Variants in RAPGEF5 observed in about 807,000 individuals in gnomAD.
RAPGEF5 encodes the protein Rap guanine nucleotide exchange factor 5, also known as M-Ras-regulated GEF.
In RAPGEF5, 65 loss-of-function variants were observed where a neutral mutation model predicts 125.2. The ratio of observed to expected loss-of-function variants is 0.52; its 90% CI spans 0.43 to 0.64. The LOEUF (loss-of-function observed/expected upper bound fraction) is 0.64. Among genes scored for constraint, RAPGEF5 ranks in the 30% least tolerant of loss-of-function variants. The probability of loss-of-function intolerance (pLI) is 0.00; values close to 1 mark genes in which losing one functional copy is unlikely to be tolerated. For missense variants in RAPGEF5, 958 were observed against 1,048.1 expected, an observed-to-expected ratio of 0.91 and a Z score of 1.19; for synonymous variants, 391 against 385.9, an observed-to-expected ratio of 1.01 and a Z score of -0.16.
At chr7:22,315,163 A>G (rs1346973532) in intron 3 of RAPGEF5, among the ~76,000 whole-genome samples, 3 of 152,146 alleles carry the variant, frequency 2.0e-5, no homozygotes, top group Non-Finnish European at 4.4e-5. Context: ...GAAATTCCAT[A>G]CCCTAACTTC....
At chr7:22,201,649 C>G (rs898115041) in intron 9 of RAPGEF5, among the ~76,000 whole-genome samples, 4 of 152,194 alleles carry the variant, frequency 2.6e-5, no homozygotes, top group African/African-American at 9.7e-5. Flanking sequence ...TGTCTAGTGC[C>G]TATATCAGTT....
chr7:22,220,077 C>T (rs1395325158), intron 8 of RAPGEF5, 86 bp from the exon 9 acceptor site: 2 of 1,475,100 alleles, frequency 1.4e-6, no homozygotes. Flanking sequence ...TTATAATAAG[C>T]TCATCTTTTC....
At chr7:22,173,161 A>C (rs1784400377) in intron 11 of RAPGEF5, among the ~76,000 whole-genome samples, 1 of 152,218 alleles carries the variant, frequency 6.6e-6, no homozygotes, top group African/African-American at 2.4e-5. Context: ...GGAATGTTAC[A>C]ACTTGCCATT....
intron 16 of RAPGEF5, 62 bp downstream of exon 16, chr7:22,156,748 T>C (rs1038570442): frequency 1.2e-6 from 2 of 1,608,050 alleles, no homozygotes; most frequent in South Asian, 1.1e-5. Flanking sequence ...TATGCCAATG[T>C]AGGAGAAAAA....
intron 1 of RAPGEF5, among the ~76,000 whole-genome samples, chr7:22,324,863 A>C (rs1198685085): frequency 2.0e-5 from 3 of 152,156 alleles, no homozygotes; most frequent in Non-Finnish European, 2.9e-5. Context: ...TATATTTGTA[A>C]GTTTACTCTC....
At chr7:22,335,691 C>CAAAAAAAAAAAAAAA (rs71653120) in intron 1 of RAPGEF5, among the ~76,000 whole-genome samples, 1 of 102,712 alleles carries the variant, frequency 9.7e-6, no homozygotes, top group African/African-American at 3.6e-5. Context: ...AAGAAACAAG[C>CAAAAAAAAAAAAAAA]AAAAAAAAAA....
intron 6 of RAPGEF5, among the ~76,000 whole-genome samples, chr7:22,276,069 T>C (rs10229080): frequency 0.21 from 31,257 of 152,166 alleles, 3,694 homozygotes; most frequent in East Asian, 0.5. Flanking sequence ...TACCTGAATT[T>C]CCTGATAAAT....
At position 22,165,330 on chromosome 7, in the gene RAPGEF5, G is replaced by C. The variant is rs1159825711; in HGVS notation, c.1283+1740C>G. ...TCATAGTTAAAGAATGTAGTTTAAA[G>C]GCATCTCATTTGTTATAAGTATATT... On this transcript the variant is annotated intron_variant, in intron 12 of 25. Transcript: ENST00000665637. Among the ~76,000 whole-genome samples the C allele has an allele frequency of 2.0e-5, 3 of 152,242 alleles. No homozygotes were observed. The East Asian group carries it at 5.8e-4, about 29-fold the overall frequency.
chr7:22,119,668 T>C lies in RAPGEF5; in HGVS notation c.*2738A>G, dbSNP rs1049489636. On this transcript the variant is annotated 3_prime_UTR_variant, in exon 26 of 26. Transcript: ENST00000665637. The surrounding 1 kb of genome is among the most constrained non-coding windows in gnomAD (Gnocchi z 4.1). Reference sequence around the variant, plus strand: ...TGTGCTGTAACAAAAAGAGCCCACTTAGAAGTGCCCCTGCACCACCTGGTG... The same window carrying C: ...TGTGCTGTAACAAAAAGAGCCCACTCAGAAGTGCCCCTGCACCACCTGGTG... 3 of 152,176 alleles carry C rather than the reference T, an allele frequency of 2.0e-5. No homozygotes were observed. Among genetic ancestry groups the C allele is most frequent in the Non-Finnish European group, 2.9e-5 (2 of 68,036 alleles). The allele number at this position is 152,176 out of a possible 1,614,324, so 9.4% of individuals were successfully genotyped here.
intron 9 of RAPGEF5, among the ~76,000 whole-genome samples, chr7:22,205,414 G>A (rs1785376253): frequency 6.6e-6 from 1 of 152,096 alleles, no homozygotes; most frequent in Non-Finnish European, 1.5e-5. Flanking sequence ...TGAAGTACTC[G>A]ACTGTGGGAA....
intron 7 of RAPGEF5, among the ~76,000 whole-genome samples, chr7:22,233,595 C>T (rs1283113943): frequency 2.0e-5 from 3 of 152,092 alleles, no homozygotes; most frequent in Middle Eastern, 3.2e-3. Context: ...TACAGTTGCA[C>T]GATCATGCCT....
At chr7:22,250,971 C>A (rs1213486362) in intron 7 of RAPGEF5, among the ~76,000 whole-genome samples, 2 of 152,090 alleles carry the variant, frequency 1.3e-5, no homozygotes, top group Non-Finnish European at 2.9e-5. Flanking sequence ...CCTGGCCACA[C>A]CCCCAGAACT....
chr7:22,120,064 T>TA lies in RAPGEF5; in HGVS notation c.*2341dup, dbSNP rs1453303191. 6.6e-6 allele frequency: 1 copy of TA among 152,208 alleles called. No homozygotes were observed. The highest frequency in any genetic ancestry group is 2.4e-5 in the African/African-American group (1 of 41,460). The allele number at this position is 152,208 out of a possible 1,614,324, so 9.4% of individuals were successfully genotyped here. ...CTGGCAAACCTCTGGAGACAGTTGT[T>TA]AAACTTCAGAAAGATGCAGAGATTT... On this transcript the variant is annotated 3_prime_UTR_variant, in exon 26 of 26. Coordinates refer to ENST00000665637, the MANE Select transcript of RAPGEF5 (RefSeq NM_012294.5). The surrounding 1 kb of genome is among the most constrained non-coding windows in gnomAD (Gnocchi z 4.0).
At chr7:22,267,399 T>C (rs909288830) in intron 6 of RAPGEF5, among the ~76,000 whole-genome samples, 2 of 152,168 alleles carry the variant, frequency 1.3e-5, no homozygotes, top group African/African-American at 4.8e-5. Context: ...CCCTCAAAGA[T>C]GCTAGTTTAT....
At chr7:22,283,699 AAAAAGTCTAT>A (rs1782728657) in intron 6 of RAPGEF5, among the ~76,000 whole-genome samples, 1 of 152,186 alleles carries the variant, frequency 6.6e-6, no homozygotes, top group South Asian at 2.1e-4. Context: ...TCTTGTCAAT[AAAAAGTCTAT>A]ATTTTCCATG....
At chr7:22,139,917 A>C (rs1363408010) in intron 21 of RAPGEF5, 108 bp downstream of exon 21, 5 of 960,024 alleles carry the variant, frequency 5.2e-6, no homozygotes, top group Non-Finnish European at 7.9e-6. Context: ...CCACCTTGAC[A>C]TATGACTTTC....
At chr7:22,125,525 T>C in intron 25 of RAPGEF5, 79 bp downstream of exon 25, 1 of 1,338,062 alleles carries the variant, frequency 7.5e-7, no homozygotes, top group Non-Finnish European at 1.1e-6. Flanking sequence ...TTTAAATTGA[T>C]TACCACCCAA....
At chr7:22,336,593 C>T (rs537767152) in intron 1 of RAPGEF5, among the ~76,000 whole-genome samples, 1 of 152,226 alleles carries the variant, frequency 6.6e-6, no homozygotes, top group Admixed American at 6.5e-5. Context: ...AGCTGGGAAG[C>T]GGTCCCCAGA....
intron 23 of RAPGEF5, among the ~76,000 whole-genome samples, chr7:22,131,375 G>C (rs772131438): frequency 2.0e-5 from 3 of 152,138 alleles, no homozygotes; most frequent in Non-Finnish European, 4.4e-5. Context: ...ACTTCAATCT[G>C]CTTAATATAA....
Sources: allele counts gnomAD v4.1 joint callset (sites outside exome capture counted in the v4.1 genomes callset), GRCh38; gene constraint gnomAD v4.1.1; non-coding constraint Gnocchi (gnomAD v3.1); transcripts MANE v1.5; gene names NCBI Gene and HGNC (gene_info 2026-07-23, HGNC 2026-07-21).